Variants in NTAQ1 observed in about 807,000 individuals in gnomAD.
The protein encoded by NTAQ1 is protein N-terminal glutamine amidohydrolase.
In NTAQ1, 21 loss-of-function variants were observed where a neutral mutation model predicts 28.2. The observed-to-expected ratio is 0.74, with a 90% confidence interval of 0.53 to 1.07. The LOEUF is 1.07. NTAQ1 is among the 50% of genes least tolerant of loss of function. The pLI is 0.00. For missense variants in NTAQ1, 264 were observed against 256.6 expected (o/e 1.03, Z -0.20); for synonymous variants, 105 against 90.0 (o/e 1.17, Z -0.94).
chr8:123,439,484 A>C (rs1263626401), intron 5 of NTAQ1, among the ~76,000 whole-genome samples: 1 of 151,612 alleles, frequency 6.6e-6, no homozygotes, highest in Non-Finnish European at 1.5e-5. Flanking sequence ...CTGGGACTAC[A>C]GGCGCCCGCC....
downstream of NTAQ1, among the ~76,000 whole-genome samples, chr8:123,445,804 C>T (rs924277736): frequency 5.3e-5 from 8 of 151,682 alleles, no homozygotes; most frequent in East Asian, 7.8e-4. Context: ...CAGGGTTTCA[C>T]CATGTTGGCC....
At chr8:123,456,623 T>C (rs1815657370) in intron 6 of NTAQ1, among the ~76,000 whole-genome samples, 1 of 152,220 alleles carries the variant, frequency 6.6e-6, no homozygotes. Flanking sequence ...TTTTACATGA[T>C]TGCCTCAGGG....
chr8:123,417,963 A>G (rs1052652874), intron 1 of NTAQ1, among the ~76,000 whole-genome samples: 1 of 151,940 alleles, frequency 6.6e-6, no homozygotes, highest in South Asian at 2.1e-4. Context: ...CTACTGCACT[A>G]TTTTTCTGTC....
In NTAQ1 at chr8:123,465,196, AACC is replaced by A. The variant is rs374126107; in HGVS notation, c.373-1879_373-1877del. 5.1e-4 allele frequency among the ~76,000 whole-genome samples: 77 copies of A among 152,296 alleles called. 1 individual carries two copies. The highest frequency in any genetic ancestry group is 1.6e-3 in the African/African-American group (66 of 41,552). On this transcript the variant is annotated intron_variant, in intron 6 of 6. Coordinates refer to the NTAQ1 transcript ENST00000650311. The stretch of plus-strand genomic sequence containing the variant: ...CTGGCTTTCCCCATTGATAATGTAG[AACC>A]ACCGTACATTTTCAAAACTAGGAAA...
chr8:123,444,407 C>T (rs140948492), downstream of NTAQ1, among the ~76,000 whole-genome samples: 72 of 152,290 alleles, frequency 4.7e-4, 1 homozygote, highest in East Asian at 0.014. Context: ...ACCATGTTGG[C>T]CAGGCTAGTC....
At chr8:123,416,772 C>T, upstream of NTAQ1, 4 of 1,364,910 alleles carry the variant, frequency 2.9e-6, no homozygotes, top group South Asian at 1.5e-5. Context: ...CCCACGCGGG[C>T]CACTACAAGC....
At chr8:123,460,729 A>G (rs904810842) in intron 6 of NTAQ1, among the ~76,000 whole-genome samples, 11 of 152,170 alleles carry the variant, frequency 7.2e-5, no homozygotes, top group Admixed American at 7.2e-4. Context: ...GGGTCAGTGG[A>G]GACCAGCTGG....
chr8:123,437,878 C>T (rs1814823414), intron 5 of NTAQ1, among the ~76,000 whole-genome samples: 1 of 152,060 alleles, frequency 6.6e-6, no homozygotes, highest in Admixed American at 6.6e-5. Flanking sequence ...AACCAGGGCA[C>T]CTGCAAACTG....
chr8:123,471,597 T>C (rs1226723539), downstream of NTAQ1, among the ~76,000 whole-genome samples: 4 of 152,138 alleles, frequency 2.6e-5, no homozygotes, highest in Admixed American at 6.5e-5. Context: ...AGTTTCAGTC[T>C]GAAGTCCAGC....
chr8:123,429,919 A>AAAT, intron 2 of NTAQ1, 64 bp from the exon 3 acceptor site: 1 of 1,118,926 alleles, frequency 8.9e-7, no homozygotes, highest in Non-Finnish European at 1.3e-6. Context: ...AAAAAAAAAA[A>AAAT]GGAAAATAAT....
downstream of NTAQ1, among the ~76,000 whole-genome samples, chr8:123,445,401 T>C (rs1485661948): frequency 6.6e-6 from 1 of 152,174 alleles, no homozygotes; most frequent in African/African-American, 2.4e-5. Context: ...AGTCAGTACA[T>C]ATTGATTGGA....
intron 1 of NTAQ1, among the ~76,000 whole-genome samples, chr8:123,425,009 C>T (rs879725506): frequency 2.6e-5 from 4 of 152,158 alleles, no homozygotes; most frequent in Non-Finnish European, 4.4e-5. Flanking sequence ...TTGTCTTCTT[C>T]AAACCTGGCC....
chr8:123,424,648 G>A (rs1258199547), intron 1 of NTAQ1, among the ~76,000 whole-genome samples: 3 of 150,582 alleles, frequency 2.0e-5, no homozygotes, highest in East Asian at 2.0e-4. Context: ...CAGGTGATCC[G>A]CCTGCCTTGG....
intron 6 of NTAQ1, among the ~76,000 whole-genome samples, chr8:123,459,574 A>G (rs1373772135): frequency 6.6e-6 from 1 of 152,088 alleles, no homozygotes; most frequent in East Asian, 1.9e-4. Flanking sequence ...CCCTTATTAG[A>G]AAAAAAGATG....
chr8:123,443,531 G>C (rs1815158348), downstream of NTAQ1, among the ~76,000 whole-genome samples: 1 of 152,134 alleles, frequency 6.6e-6, no homozygotes, highest in Non-Finnish European at 1.5e-5. Flanking sequence ...GCCCTACTTT[G>C]GGGCTTGCCT....
At chr8:123,434,738 C>T (rs1814600926) in intron 3 of NTAQ1, among the ~76,000 whole-genome samples, 2 of 152,080 alleles carry the variant, frequency 1.3e-5, no homozygotes, top group East Asian at 1.9e-4. Context: ...AAAATTGATT[C>T]GTGGGAAGAA....
chr8:123,448,771 A>G (rs1406555121), downstream of NTAQ1, among the ~76,000 whole-genome samples: 1 of 152,080 alleles, frequency 6.6e-6, no homozygotes, highest in Non-Finnish European at 1.5e-5. Flanking sequence ...GTTTTGCATG[A>G]GGTTCAGGAG....
At chr8:123,470,781 A>C (rs1485673936), downstream of NTAQ1, among the ~76,000 whole-genome samples, 1 of 151,958 alleles carries the variant, frequency 6.6e-6, no homozygotes, top group Non-Finnish European at 1.5e-5. Context: ...AGAGGGGAGA[A>C]TCCTTTCTTG....
Position 123,460,146 on chromosome 8 carries a change from T to TA in NTAQ1, c.373-6923dup, listed in dbSNP as rs35002417. ...CACAGCAGATATCTCTTGATTTCTTTAAAAAAAAAATCTTAAATAGTACCT... is the reference window on the plus strand; with the variant it reads ...CACAGCAGATATCTCTTGATTTCTTTAAAAAAAAAAATCTTAAATAGTACCT... On this transcript the variant is annotated intron_variant, in intron 6 of 6. Transcript: ENST00000650311. 1.1e-4 allele frequency among the ~76,000 whole-genome samples: 17 copies of TA among 150,488 alleles called. No individual in the cohort carries two copies. The South Asian group carries it at 1.3e-3, about 11-fold the overall frequency.
Sources: allele counts gnomAD v4.1 joint callset (sites outside exome capture counted in the v4.1 genomes callset), GRCh38; gene constraint gnomAD v4.1.1; transcripts MANE v1.5; gene names NCBI Gene and HGNC (gene_info 2026-07-23, HGNC 2026-07-21).